Variants in GAB2 observed in about 807,000 individuals in gnomAD.
GAB2 encodes GRB2 associated binding protein 2, also known as GRB2-associated-binding protein 2.
GAB2 carries 26 observed loss-of-function variants against 65.5 expected under a neutral mutation model. That is an observed-to-expected ratio of 0.40 (90% CI 0.29 to 0.55). The LOEUF is 0.55. Ranked by LOEUF, GAB2 falls within the 20% of genes least tolerant of loss-of-function variation. The pLI, the probability that GAB2 is intolerant of heterozygous loss-of-function variation, is 0.53. For synonymous variants in GAB2, 321 were observed against 329.6 expected, an observed-to-expected ratio of 0.97 and a Z score of 0.28; for missense variants, 884 against 875.8, an observed-to-expected ratio of 1.01 and a Z score of -0.12.
chr11:78,235,239 G>A (rs1181269038), intron 3 of GAB2, among the ~76,000 whole-genome samples: 6 of 151,776 alleles, frequency 4.0e-5, no homozygotes, highest in Non-Finnish European at 8.8e-5. Flanking sequence ...TGCAAGCTCC[G>A]CCTCCCGGGT....
At chr11:78,272,482 G>C (rs935031169) in intron 2 of GAB2, among the ~76,000 whole-genome samples, 1 of 152,162 alleles carries the variant, frequency 6.6e-6, no homozygotes, top group Non-Finnish European at 1.5e-5. Flanking sequence ...CTGCCCTAGA[G>C]ATTTGTGGAA....
chr11:78,411,025 C>A (rs1857120699), intron 1 of GAB2, among the ~76,000 whole-genome samples: 1 of 151,910 alleles, frequency 6.6e-6, no homozygotes, highest in Non-Finnish European at 1.5e-5. Context: ...CAGCAGTACG[C>A]AGCTGTCGTC....
At chr11:78,224,859 G>A (rs1298882689) in intron 5 of GAB2, among the ~76,000 whole-genome samples, 1 of 152,040 alleles carries the variant, frequency 6.6e-6, no homozygotes, top group Admixed American at 6.5e-5. Context: ...TAGATCCTCT[G>A]CTTACCTACA....
rs1204288204 is a variant in GAB2 at position 78,218,874 on chromosome 11, G to A, written c.*398C>T. 5.9e-6 allele frequency: 1 copy of A among 168,398 alleles called. No homozygotes were observed. Among genetic ancestry groups the A allele is most frequent in the African/African-American group, 2.4e-5 (1 of 42,118 alleles). The allele number at this position is 168,398 out of a possible 1,614,324, so 10.4% of individuals were successfully genotyped here. A position where few individuals can be genotyped will look rare whatever the true frequency, so the allele number is the denominator to read the frequency against. ...TGAAGGAGAGGTAGCCCAGTGGCCG[G>A]AGGGAAGATAGCTGAGGGCTGTGAC... is the stretch of plus-strand genomic sequence containing the variant. On this transcript the variant is annotated 3_prime_UTR_variant, in exon 10 of 10. Coordinates refer to ENST00000361507, the MANE Select transcript of GAB2 (RefSeq NM_080491.3).
chr11:78,350,169 C>A (rs1856254615), intron 1 of GAB2, among the ~76,000 whole-genome samples: 1 of 152,180 alleles, frequency 6.6e-6, no homozygotes, highest in South Asian at 2.1e-4. Flanking sequence ...TAGTCCATCT[C>A]CCCTGAAGCC....
intron 2 of GAB2, among the ~76,000 whole-genome samples, chr11:78,277,530 A>T (rs868561149): frequency 6.6e-6 from 1 of 152,264 alleles, no homozygotes; most frequent in South Asian, 2.1e-4. Flanking sequence ...CTCAGGAGAT[A>T]GGCAAGTCTC....
At chr11:78,260,680 C>T (rs1865705752) in intron 2 of GAB2, among the ~76,000 whole-genome samples, 1 of 152,136 alleles carries the variant, frequency 6.6e-6, no homozygotes, top group Non-Finnish European at 1.5e-5. Context: ...CCATGTTGGC[C>T]AGGCTGGTCT....
At chr11:78,311,510 A>C (rs1338217499) in intron 1 of GAB2, among the ~76,000 whole-genome samples, 1 of 152,194 alleles carries the variant, frequency 6.6e-6, no homozygotes, top group Non-Finnish European at 1.5e-5. Context: ...AACAAAGGAT[A>C]GAGCATTTGA....
chr11:78,407,331 T>G (rs557297990), intron 1 of GAB2, among the ~76,000 whole-genome samples: 1 of 151,924 alleles, frequency 6.6e-6, no homozygotes, highest in Admixed American at 6.6e-5. Context: ...ATTGAACGCA[T>G]CCAGAGAAAA....
Position 78,216,175 on chromosome 11 carries a change from G to GACTT in GAB2, c.*3093_*3096dup, listed in dbSNP as rs1864136423. 1 of 152,626 alleles carries GACTT rather than the reference G, an allele frequency of 6.6e-6. No individual in the cohort carries two copies. The highest frequency in any genetic ancestry group is 1.5e-5 in the Non-Finnish European group (1 of 68,042). 9.5% of individuals were successfully genotyped at this position (152,626 alleles called of 1,614,324 possible). A position where few individuals can be genotyped will look rare whatever the true frequency, so the allele number is the denominator to read the frequency against. On this transcript the variant is annotated 3_prime_UTR_variant, in exon 10 of 10. Coordinates refer to ENST00000361507, the MANE Select transcript of GAB2 (RefSeq NM_080491.3). ...CCATTCCACAGACAGGCAGATCAAG[G>GACTT]ACTTAAGGAGACACCATCTCCCTAT...
At chr11:78,327,637 C>T (rs925948262) in intron 1 of GAB2, among the ~76,000 whole-genome samples, 2 of 152,094 alleles carry the variant, frequency 1.3e-5, no homozygotes, top group Non-Finnish European at 2.9e-5. Flanking sequence ...TAGGTTGAGT[C>T]CCAACCACAG....
At chr11:78,382,186 CTTTG>C (rs1856706151) in intron 1 of GAB2, among the ~76,000 whole-genome samples, 1 of 152,116 alleles carries the variant, frequency 6.6e-6, no homozygotes. Context: ...TCTCATGGCA[CTTTG>C]TTTATGTCGG....
intron 1 of GAB2, among the ~76,000 whole-genome samples, chr11:78,307,945 C>T (rs919000916): frequency 6.6e-6 from 1 of 152,054 alleles, no homozygotes; most frequent in African/African-American, 2.4e-5. Context: ...TCCATTCTCA[C>T]CCAGTGTGGG....
chr11:78,252,545 G>C (rs879329033), intron 2 of GAB2, among the ~76,000 whole-genome samples: 2 of 152,062 alleles, frequency 1.3e-5, no homozygotes, highest in Admixed American at 6.5e-5. Context: ...TTGTCTCGTT[G>C]GACTCCTCTT....
At position 78,226,616 on chromosome 11, in the gene GAB2, T is replaced by A. The variant is rs1398294402; in HGVS notation, c.1056A>T (p.Pro352=). The change falls in exon 4 of 10, where the codon CCA becomes CCT. Residue 352 remains proline, a synonymous_variant. Transcript: ENST00000361507. ...CCTGACTTGGCTTGGGGGGGCGGGG[T>A]GGGGGAGCTATGGCTGAGTCCCCAG... ...ATPGDSAIAP[P]PRPPKPSQAE... 1 of 488,462 alleles carries A rather than the reference T, an allele frequency of 2.0e-6. No homozygotes were observed. The highest frequency in any genetic ancestry group is 2.4e-5 in the South Asian group (1 of 40,890). 30.3% of individuals were successfully genotyped at this position (488,462 alleles called of 1,614,324 possible).
intron 1 of GAB2, among the ~76,000 whole-genome samples, chr11:78,337,090 T>G (rs898377364): frequency 6.6e-6 from 1 of 152,252 alleles, no homozygotes; most frequent in Non-Finnish European, 1.5e-5. Context: ...AACCTTGGAC[T>G]GGGCAACCAG....
At chr11:78,351,622 C>T (rs781325304) in intron 1 of GAB2, among the ~76,000 whole-genome samples, 8 of 152,160 alleles carry the variant, frequency 5.3e-5, no homozygotes, top group African/African-American at 1.4e-4. Flanking sequence ...ACCATTTCTA[C>T]GTGAAATAGT....
intron 1 of GAB2, among the ~76,000 whole-genome samples, chr11:78,326,919 G>T (rs367680993): frequency 1.3e-5 from 2 of 152,196 alleles, no homozygotes; most frequent in South Asian, 4.1e-4. Flanking sequence ...AGGCCTAGAA[G>T]TAGGAAAGCC....
chr11:78,363,037 C>T (rs919314709), intron 1 of GAB2, among the ~76,000 whole-genome samples: 1 of 152,060 alleles, frequency 6.6e-6, no homozygotes, highest in African/African-American at 2.4e-5. Context: ...TTTTAAACAA[C>T]CTCCCAGTAA....
Sources: allele counts gnomAD v4.1 joint callset (sites outside exome capture counted in the v4.1 genomes callset), GRCh38; gene constraint gnomAD v4.1.1; transcripts MANE v1.5; gene names NCBI Gene and HGNC (gene_info 2026-07-23, HGNC 2026-07-21).